ADAM33: variants seen among roughly 807,000 people sequenced by gnomAD.
The protein encoded by ADAM33 is ADAM metallopeptidase domain 33.
Under a neutral mutation model 106.2 loss-of-function variants are expected in ADAM33, and 103 were observed. The observed-to-expected ratio is 0.97, with a 90% CI of 0.83 to 1.14. ADAM33 has a LOEUF of 1.14. ADAM33 is among the 50% of genes most tolerant of loss of function. The pLI is 0.00. For synonymous variants in ADAM33, 483 were observed against 453.0 expected (o/e 1.07, Z -0.84); for missense variants, 1,120 against 1,096.6 (o/e 1.02, Z -0.30).
intron 14 of ADAM33, 33 bp downstream of exon 14, chr20:3,672,101 G>A (rs1161904367): frequency 1.3e-6 from 2 of 1,598,904 alleles, no homozygotes; most frequent in East Asian, 2.2e-5. Context: ...AGAGGATGGG[G>A]GGCAGGGTGC....
intron 1 of ADAM33, among the ~76,000 whole-genome samples, chr20:3,681,638 G>C (rs2088508539): frequency 1.3e-5 from 2 of 149,244 alleles, no homozygotes; most frequent in South Asian, 2.1e-4. Flanking sequence ...CCGAGGGGGA[G>C]GGAGCCATGC....
At chr20:3,672,400 C>G (rs2087599875) in intron 13 of ADAM33, 71 bp from the exon 14 acceptor site, 1 of 1,579,852 alleles carries the variant, frequency 6.3e-7, no homozygotes, top group African/African-American at 1.3e-5. Flanking sequence ...GCCGAGAGCG[C>G]GGCTCGGAGC....
intron 19 of ADAM33, chr20:3,670,439 G>GTGAC (rs2087460144): frequency 1.2e-5 from 2 of 161,024 alleles, no homozygotes; most frequent in African/African-American, 4.8e-5. Flanking sequence ...TTAGTATTAT[G>GTGAC]TGACTCCCCA....
Position 3,681,949 on chromosome 20 carries a change from A to T in ADAM33, c.56T>A (p.Leu19Gln). Residue 19 changes from leucine to glutamine, a missense_variant, in exon 1 of 22, where the codon CTG becomes CAG. By Grantham distance (113) the Leu-to-Gln change is moderately radical. Coordinates refer to ENST00000356518, the MANE Select transcript of ADAM33 (RefSeq NM_025220.5). Reference sequence around the variant, plus strand: ...GCCTGGCACTGGCCAGAGCAGCAGCAGTAGTAGCAGCAGCAGCAACGGGGT... The same window carrying T: ...GCCTGGCACTGGCCAGAGCAGCAGCTGTAGTAGCAGCAGCAGCAACGGGGT... ...RGTPLLLLLL[L>Q]LLLWPVPGAG... 1 of 1,569,342 alleles carries T rather than the reference A, an allele frequency of 6.4e-7. No individual in the cohort carries two copies. The highest frequency in any genetic ancestry group is 2.4e-5 in the East Asian group (1 of 41,210).
intron 11 of ADAM33, 112 bp downstream of exon 11, chr20:3,673,242 T>G: frequency 6.5e-7 from 1 of 1,533,878 alleles, no homozygotes; most frequent in Non-Finnish European, 8.7e-7. Flanking sequence ...GACACTATGA[T>G]CATTATCCCC....
At position 3,679,480 on chromosome 20, in the gene ADAM33, C is replaced by T. The variant is rs1235914683; in HGVS notation, c.177+12G>A. 6.2e-7 allele frequency: 1 copy of T among 1,602,464 alleles called. No homozygotes were observed. Among genetic ancestry groups the T allele is most frequent in the Non-Finnish European group, 8.5e-7 (1 of 1,174,350 alleles). On this transcript the variant is annotated intron_variant, in intron 2 of 21. Transcript: ENST00000356518. ...AGGGCCCCTGTGGAGGGCGGGGAGA[C>T]ATGGCACTGACCGGCTCCTCCAGGC...
chr20:3,676,812 C>A (rs1482408224), intron 3 of ADAM33, among the ~76,000 whole-genome samples: 1 of 152,182 alleles, frequency 6.6e-6, no homozygotes. Context: ...CTAGGTGGTG[C>A]TCACTCATCG....
chr20:3,677,727 G>A lies in ADAM33; in HGVS notation c.178-584C>T, dbSNP rs138201128. ...CCGACACCTGCTTCACTGGACCCACGAAGTAAACATGGACGCCATTCCAGC... is the reference window on the plus strand; with the variant it reads ...CCGACACCTGCTTCACTGGACCCACAAAGTAAACATGGACGCCATTCCAGC... On this transcript the variant is annotated intron_variant, in intron 2 of 21. Coordinates refer to ENST00000356518, the MANE Select transcript of ADAM33 (RefSeq NM_025220.5). Among the ~76,000 whole-genome samples, 220 of 152,312 alleles carry A rather than the reference G, an allele frequency of 1.4e-3. 1 individual carries two copies. The highest frequency in any genetic ancestry group is 5.0e-3 in the African/African-American group (209 of 41,570).
At chr20:3,672,440 A>C in intron 13 of ADAM33, 97 bp downstream of exon 13, 1 of 1,578,254 alleles carries the variant, frequency 6.3e-7, no homozygotes, top group Non-Finnish European at 8.6e-7. Flanking sequence ...CAAGCCCAGC[A>C]CCCAACGGGG....
In ADAM33 at chr20:3,674,270, C is replaced by G; in HGVS notation, c.615G>C (p.Ala205=). ...GGPQSRGRRE[A]RRTRKYLELY... is the part of the protein sequence containing the mutation. ...GTTCCAGGTACTTCCGGGTCCTGCG[C>G]GCTTCTCGCCTGCCCTGCGGAGGTG... The change falls in exon 7 of 22, where the codon GCG becomes GCC. Residue 205 remains alanine, a synonymous_variant. Transcript: ENST00000356518. The G allele has an allele frequency of 1.2e-6, 2 of 1,613,942 alleles. No homozygotes were observed. Among genetic ancestry groups the G allele is most frequent in the Non-Finnish European group, 8.5e-7 (1 of 1,180,008 alleles).
chr20:3,676,481 G>A (rs2146431280), intron 3 of ADAM33, among the ~76,000 whole-genome samples: 1 of 150,876 alleles, frequency 6.6e-6, no homozygotes, highest in African/African-American at 2.4e-5. Context: ...CTTTGCCCAG[G>A]CCGGAGTGGT....
intron 2 of ADAM33, 141 bp downstream of exon 2, chr20:3,679,351 G>A (rs923341472): frequency 1.3e-6 from 1 of 779,206 alleles, no homozygotes; most frequent in South Asian, 1.8e-5. Context: ...CACTTGAGGG[G>A]CAGGGGAGGC....
At chr20:3,677,164 A>G in intron 2 of ADAM33, 21 bp from the exon 3 acceptor site, 1 of 1,586,378 alleles carries the variant, frequency 6.3e-7, no homozygotes, top group Admixed American at 1.8e-5. Context: ...AAATGTGTGG[A>G]GCTGAGATGG....
chr20:3,672,889 A>T lies in ADAM33; in HGVS notation c.1143T>A (p.Phe381Leu). 1 of 1,571,926 alleles carries T rather than the reference A, an allele frequency of 6.4e-7. No individual in the cohort carries two copies. Among genetic ancestry groups the T allele is most frequent in the Non-Finnish European group, 8.6e-7 (1 of 1,168,698 alleles). ...CVMAAATGHP[F>L]PRVFSACSRR... ...GGCTGCAGGCGCTGAACACGCGCGG[A>T]AACGGGTGCCTACCGGCACGGGGAG... Residue 381 changes from phenylalanine to leucine, a missense_variant, in exon 12 of 22, where the codon TTT becomes TTA. Transcript: ENST00000356518.
intron 2 of ADAM33, among the ~76,000 whole-genome samples, chr20:3,677,470 G>A (rs1382784552): frequency 6.6e-6 from 1 of 152,192 alleles, no homozygotes; most frequent in Non-Finnish European, 1.5e-5. Context: ...TTCATGCCCA[G>A]AAGGGGCATC....
rs545281886 is a variant in ADAM33 at position 3,673,678 on chromosome 20, T to G, written c.906-20A>C. On this transcript the variant is annotated intron_variant, in intron 9 of 21. Transcript: ENST00000356518. ...CGGCCCCTGGGGGCGGAGCGCGGCGTGACCAGGCGGGGCCGGGAGGTGAGG... is the reference window on the plus strand; with the variant it reads ...CGGCCCCTGGGGGCGGAGCGCGGCGGGACCAGGCGGGGCCGGGAGGTGAGG... 1.6e-5 allele frequency: 21 copies of G among 1,347,372 alleles called. No homozygotes were observed. The highest frequency in any genetic ancestry group is 1.9e-5 in the Non-Finnish European group (20 of 1,056,492). The allele number at this position is 1,347,372 out of a possible 1,614,324, so 83.5% of individuals were successfully genotyped here. A position where few individuals can be genotyped will look rare whatever the true frequency, so the allele number is the denominator to read the frequency against.
chr20:3,671,812 C>G (rs2087553525), intron 15 of ADAM33, 33 bp from the exon 16 acceptor site: 1 of 1,551,676 alleles, frequency 6.4e-7, no homozygotes, highest in East Asian at 2.4e-5. Flanking sequence ...TCAACAGCTG[C>G]AGTACCCCCC....
chr20:3,680,137 G>A (rs915913921), intron 1 of ADAM33, among the ~76,000 whole-genome samples: 19 of 152,234 alleles, frequency 1.2e-4, no homozygotes, highest in Non-Finnish European at 2.5e-4. Flanking sequence ...GGGAGGGGAC[G>A]CTTCTGGACG....
rs746724761 is a variant in ADAM33, at chr20:3,674,528, G to C, written c.576C>G (p.Ser192Arg). Reference sequence around the variant, plus strand: ...CCCTGCTCTGGGGACCACCAGGAAGGCTGGTCATGCCCGCTTTGTTCCCAG... The same window carrying C: ...CCCTGCTCTGGGGACCACCAGGAAGCCTGGTCATGCCCGCTTTGTTCCCAG... ...RDPGNKAGMT[S>R]LPGGPQSRGR... Residue 192 changes from serine to arginine, a missense_variant, in exon 6 of 22, where the codon AGC (serine) becomes AGG (arginine). Coordinates refer to ENST00000356518, the MANE Select transcript of ADAM33 (RefSeq NM_025220.5). 6.2e-7 allele frequency: 1 copy of C among 1,613,500 alleles called. No individual in the cohort carries two copies. The highest frequency in any genetic ancestry group is 1.7e-5 in the Admixed American group (1 of 59,966).
Sources: allele counts gnomAD v4.1 joint callset (sites outside exome capture counted in the v4.1 genomes callset), GRCh38; gene constraint gnomAD v4.1.1; transcripts MANE v1.5; gene names NCBI Gene and HGNC (gene_info 2026-07-23, HGNC 2026-07-21).